The following BTRC variants were observed in gnomAD, a reference collection of about 807,000 sequenced individuals.
The protein encoded by BTRC is F-box/WD repeat-containing protein 1A.
A neutral mutation model predicts 85.5 loss-of-function variants in BTRC; 42 were observed. The observed-to-expected ratio is 0.49, with a 90% CI of 0.38 to 0.64. The LOEUF (loss-of-function observed/expected upper bound fraction) is 0.64. Among genes scored for constraint, BTRC ranks in the 30% least tolerant of loss-of-function variants. The pLI, the probability that BTRC is intolerant of heterozygous loss-of-function variation, is 0.00. For synonymous variants in BTRC, 255 were observed against 263.3 expected (o/e 0.97, Z 0.30); for missense variants, 594 against 743.5 (o/e 0.80, Z 2.34).
intron 1 of BTRC, chr10:101,414,717 G>C: frequency 2.0e-6 from 1 of 502,760 alleles, no homozygotes; most frequent in Non-Finnish European, 4.0e-6. Flanking sequence ...CTTGCTCTCT[G>C]TGGGCCTAGG....
At chr10:101,427,877 T>C (rs1944302465) in intron 1 of BTRC, among the ~76,000 whole-genome samples, 1 of 152,208 alleles carries the variant, frequency 6.6e-6, no homozygotes, top group African/African-American at 2.4e-5. Context: ...ATTTATTGAA[T>C]AAATGATTAA....
In BTRC at chr10:101,395,015, A is replaced by G. The variant is rs573372138; in HGVS notation, c.49-35330A>G. Reference sequence around the variant, plus strand: ...AAAAATCCAGTCTCACATGATTCCAACAGCAGTAGCGCCTAAATTCACGTT... The same window carrying G: ...AAAAATCCAGTCTCACATGATTCCAGCAGCAGTAGCGCCTAAATTCACGTT... On this transcript the variant is annotated intron_variant, in intron 1 of 14. Coordinates refer to ENST00000370187, the MANE Select transcript of BTRC (RefSeq NM_033637.4). Among the ~76,000 whole-genome samples, 4 of 152,284 alleles carry G rather than the reference A, an allele frequency of 2.6e-5. No individual in the cohort carries two copies. The East Asian group carries it at 7.7e-4, about 29-fold the overall frequency.
chr10:101,455,484 A>G (rs1168824890), intron 2 of BTRC, among the ~76,000 whole-genome samples: 4 of 152,270 alleles, frequency 2.6e-5, no homozygotes, highest in East Asian at 3.9e-4. Context: ...TTAAGTGCCA[A>G]TTGGAAGTGA....
chr10:101,495,377 T>A (rs546706964), intron 4 of BTRC, among the ~76,000 whole-genome samples: 1 of 152,356 alleles, frequency 6.6e-6, no homozygotes, highest in East Asian at 1.9e-4. Flanking sequence ...TTTGCAAAAC[T>A]GGCATAGGCA....
intron 1 of BTRC, among the ~76,000 whole-genome samples, chr10:101,360,726 G>T (rs185984812): frequency 2.0e-5 from 3 of 152,264 alleles, no homozygotes; most frequent in Admixed American, 2.0e-4. Flanking sequence ...ACTCAGGCTA[G>T]GGTTAAGTGA....
intron 13 of BTRC, among the ~76,000 whole-genome samples, chr10:101,549,713 CAAAAAAAAAAAAA>C (rs755481178): frequency 2.3e-5 from 1 of 42,770 alleles, no homozygotes; most frequent in African/African-American, 1.3e-4. Flanking sequence ...GACTCTGTCT[CAAAAAAAAAAAAA>C]AAAAAAAAAA....
At chr10:101,410,730 A>G (rs1199418210) in intron 1 of BTRC, among the ~76,000 whole-genome samples, 1 of 152,020 alleles carries the variant, frequency 6.6e-6, no homozygotes, top group African/African-American at 2.4e-5. Flanking sequence ...TTGTAAAAGT[A>G]TATTCTGGAT....
rs1055984632 is a variant in BTRC at position 101,554,944 on chromosome 10, T to C, written c.*1821T>C. 2 of 152,234 alleles carry C rather than the reference T, an allele frequency of 1.3e-5. No homozygotes were observed. The highest frequency in any genetic ancestry group is 2.4e-5 in the African/African-American group (1 of 41,454). 9.4% of individuals were successfully genotyped at this position (152,234 alleles called of 1,614,324 possible). A position where few individuals can be genotyped will look rare whatever the true frequency, so the allele number is the denominator to read the frequency against. ...GCATATGCATTCTACCTTTCCTGCT[T>C]TATGAGTATTTTTAAGCTTTTAGTT... On this transcript the variant is annotated 3_prime_UTR_variant, in exon 15 of 15. Coordinates refer to ENST00000370187, the MANE Select transcript of BTRC (RefSeq NM_033637.4).
intron 4 of BTRC, among the ~76,000 whole-genome samples, chr10:101,481,548 A>G (rs1264953501): frequency 2.0e-5 from 3 of 148,302 alleles, no homozygotes; most frequent in Admixed American, 6.9e-5. Flanking sequence ...GTGTGTGTCT[A>G]TATGATGTGG....
At chr10:101,460,253 C>T (rs976622358) in intron 2 of BTRC, among the ~76,000 whole-genome samples, 1 of 151,840 alleles carries the variant, frequency 6.6e-6, no homozygotes, top group Non-Finnish European at 1.5e-5. Context: ...AAACATACAA[C>T]TTGATGTTAT....
At chr10:101,501,790 C>G (rs140318589) in intron 4 of BTRC, among the ~76,000 whole-genome samples, 74 of 152,254 alleles carry the variant, frequency 4.9e-4, no homozygotes, top group African/African-American at 1.7e-3. Context: ...AGAAAGGATA[C>G]AAGTCCTAAT....
chr10:101,511,692 T>A (rs2061957050), intron 4 of BTRC, among the ~76,000 whole-genome samples: 1 of 152,162 alleles, frequency 6.6e-6, no homozygotes, highest in East Asian at 1.9e-4. Context: ...CAGCTAATTT[T>A]TGTATTTTTA....
At chr10:101,487,595 A>G (rs753874564) in intron 4 of BTRC, among the ~76,000 whole-genome samples, 8 of 152,240 alleles carry the variant, frequency 5.3e-5, no homozygotes, top group Non-Finnish European at 2.9e-5. Context: ...ATCAGTTTAC[A>G]CAGATAGCTC....
At chr10:101,432,090 C>T (rs1018757114) in intron 2 of BTRC, among the ~76,000 whole-genome samples, 1 of 151,756 alleles carries the variant, frequency 6.6e-6, no homozygotes, top group African/African-American at 2.4e-5. Context: ...TAATTGATAT[C>T]CTGAGACTGC....
chr10:101,413,721 T>C (rs1589437323), intron 1 of BTRC, among the ~76,000 whole-genome samples: 2 of 152,354 alleles, frequency 1.3e-5, no homozygotes, highest in Middle Eastern at 6.8e-3. Flanking sequence ...TTCACAAAAT[T>C]GAAAGTACAA....
chr10:101,536,184 A>C (rs1402467815), intron 11 of BTRC, among the ~76,000 whole-genome samples: 1 of 152,214 alleles, frequency 6.6e-6, no homozygotes, highest in Non-Finnish European at 1.5e-5. Flanking sequence ...CATCACTGAT[A>C]ATCTGTATCT....
chr10:101,433,045 C>T (rs1166278085), intron 2 of BTRC, among the ~76,000 whole-genome samples: 2 of 152,122 alleles, frequency 1.3e-5, no homozygotes, highest in Non-Finnish European at 2.9e-5. Context: ...CTAAATCTCT[C>T]AGGCAAGCAG....
At chr10:101,377,708 T>G (rs147048965) in intron 1 of BTRC, among the ~76,000 whole-genome samples, 1 of 152,342 alleles carries the variant, frequency 6.6e-6, no homozygotes, top group African/African-American at 2.4e-5. Flanking sequence ...ATATTTGATA[T>G]GCCTAACTTT....
chr10:101,381,388 A>G (rs915836506), intron 1 of BTRC, among the ~76,000 whole-genome samples: 1 of 152,212 alleles, frequency 6.6e-6, no homozygotes, highest in African/African-American at 2.4e-5. Context: ...TCATTGTGCT[A>G]TACTAACCAT....
Sources: gnomAD v4.1 joint callset for allele counts (sites outside exome capture counted in the v4.1 genomes callset) on GRCh38, gnomAD v4.1.1 for gene constraint, MANE v1.5 for transcripts, NCBI Gene and HGNC (gene_info 2026-07-23, HGNC 2026-07-21) for gene names.